PMM1: variants seen among roughly 807,000 people sequenced by gnomAD.
PMM1 encodes brain glucose-1,6-bisphosphatase.
Under a neutral mutation model 34.0 loss-of-function variants are expected in PMM1, and 25 were observed. The ratio of observed to expected loss-of-function variants is 0.73; its 90% confidence interval spans 0.54 to 1.03. PMM1 has a LOEUF of 1.03. PMM1 is among the 50% of genes least tolerant of loss of function. PMM1 has a pLI of 0.00. For synonymous variants in PMM1, 134 were observed against 143.9 expected (o/e 0.93, Z 0.49); for missense variants, 321 against 350.1 (o/e 0.92, Z 0.66).
chr22:41,584,071 G>C lies in PMM1; in HGVS notation c.375-13C>G. ...GATGAAGGTTCCACTGGTGGTGAGG[G>C]AGGGCGGGGAGCCAGAGAGAACCAG... On this transcript the variant is annotated splice_polypyrimidine_tract_variant and intron_variant, in intron 4 of 7. Transcript: ENST00000216259. The C allele has an allele frequency of 6.3e-7, 1 of 1,593,834 alleles. No individual in the cohort carries two copies. The highest frequency in any genetic ancestry group is 8.6e-7 in the Non-Finnish European group (1 of 1,161,746).
At chr22:41,588,186 G>A (rs1171794044) in intron 1 of PMM1, among the ~76,000 whole-genome samples, 1 of 152,128 alleles carries the variant, frequency 6.6e-6, no homozygotes, top group African/African-American at 2.4e-5. Flanking sequence ...CAGTAGCTGG[G>A]ACTACAGGCA....
chr22:41,589,021 G>A (rs2067346309), intron 1 of PMM1: 3 of 1,223,474 alleles, frequency 2.5e-6, no homozygotes, highest in Admixed American at 2.3e-5. Flanking sequence ...TCAACACAGC[G>A]AGAGTCTTTA....
chr22:41,589,271 A>G lies in PMM1; in HGVS notation c.87+448T>C, dbSNP rs1002658647. On this transcript the variant is annotated intron_variant, in intron 1 of 7. Coordinates refer to ENST00000216259, the MANE Select transcript of PMM1 (RefSeq NM_002676.3). Reference sequence around the variant, plus strand: ...TCCGAGACGCCCTGTCTCCCACCAGATGATGACTGACGCTTGGCTGTGTGC... The same window carrying G: ...TCCGAGACGCCCTGTCTCCCACCAGGTGATGACTGACGCTTGGCTGTGTGC... 9 of 485,666 alleles carry G rather than the reference A, an allele frequency of 1.9e-5. No individual in the cohort carries two copies. In the East Asian group the frequency reaches 2.0e-4, roughly 11 times the overall value. The allele number at this position is 485,666 out of a possible 1,614,324, so 30.1% of individuals were successfully genotyped here.
chr22:41,589,224 G>A (rs2067350452), intron 1 of PMM1: 2 of 785,626 alleles, frequency 2.5e-6, no homozygotes, highest in Non-Finnish European at 3.9e-6. Context: ...TCCCAGGCCT[G>A]CAAAGGTCGG....
At chr22:41,582,201 C>T (rs893390357) in intron 5 of PMM1, among the ~76,000 whole-genome samples, 2 of 151,680 alleles carry the variant, frequency 1.3e-5, no homozygotes, top group Non-Finnish European at 2.9e-5. Flanking sequence ...CTCACACCTA[C>T]AGTCTTGGTG....
chr22:41,581,906 AC>A (rs773259559), intron 5 of PMM1, among the ~76,000 whole-genome samples: 9 of 151,932 alleles, frequency 5.9e-5, no homozygotes, highest in African/African-American at 9.7e-5. Context: ...AATCGCTTGA[AC>A]CAGCGAGTCA....
intron 5 of PMM1, chr22:41,579,098 C>T (rs1233721855): frequency 3.7e-6 from 2 of 540,420 alleles, no homozygotes; most frequent in East Asian, 3.2e-5. Flanking sequence ...AGGGATGGGG[C>T]TGCCAATGGG....
chr22:41,589,085 G>C lies in PMM1; in HGVS notation c.87+634C>G. The C allele has an allele frequency of 3.1e-6, 4 of 1,303,822 alleles. No individual in the cohort carries two copies. The South Asian group carries it at 4.9e-5, about 16-fold the overall frequency. The allele number at this position is 1,303,822 out of a possible 1,614,324, so 80.8% of individuals were successfully genotyped here. A position where few individuals can be genotyped will look rare whatever the true frequency, so the allele number is the denominator to read the frequency against. The stretch of plus-strand genomic sequence containing the variant: ...TTCCTCAGTGTCCTCACAGCAAACA[G>C]GCTAGGCCTGGAGCCTCTCACATCC... On this transcript the variant is annotated intron_variant, in intron 1 of 7. Transcript: ENST00000216259.
chr22:41,583,184 G>A (rs914674231), intron 5 of PMM1, among the ~76,000 whole-genome samples: 1 of 152,132 alleles, frequency 6.6e-6, no homozygotes, highest in African/African-American at 2.4e-5. Context: ...TGACATGTTT[G>A]AAAGGTTCTA....
intron 2 of PMM1, 40 bp from the exon 3 acceptor site, chr22:41,584,643 G>A (rs1356949479): frequency 6.6e-7 from 1 of 1,504,172 alleles, no homozygotes; most frequent in Middle Eastern, 1.7e-4. Flanking sequence ...GAAAGAGTGT[G>A]AGACCACGTC....
intron 1 of PMM1, among the ~76,000 whole-genome samples, chr22:41,586,938 T>C (rs1172158343): frequency 7.5e-6 from 1 of 133,588 alleles, no homozygotes; most frequent in Non-Finnish European, 1.6e-5. Flanking sequence ...GCCAACATGG[T>C]GAAACTCTGT....
intron 1 of PMM1, among the ~76,000 whole-genome samples, chr22:41,587,630 A>G (rs561124700): frequency 7.2e-5 from 11 of 152,224 alleles, no homozygotes; most frequent in Admixed American, 7.2e-4. Context: ...TCTAACAACA[A>G]CAACAACAAA....
intron 1 of PMM1, 21 bp from the exon 2 acceptor site, chr22:41,586,214 C>G: frequency 6.2e-7 from 1 of 1,603,550 alleles, no homozygotes. Context: ...AGAGGGGAAG[C>G]ATAGCATTCT....
At position 41,577,175 on chromosome 22, in the gene PMM1, A is replaced by T; in HGVS notation, c.*143T>A. 8.9e-7 allele frequency: 1 copy of T among 1,120,884 alleles called. No homozygotes were observed. The highest frequency in any genetic ancestry group is 1.3e-6 in the Non-Finnish European group (1 of 756,340). The allele number at this position is 1,120,884 out of a possible 1,614,324, so 69.4% of individuals were successfully genotyped here. A position where few individuals can be genotyped will look rare whatever the true frequency, so the allele number is the denominator to read the frequency against. On this transcript the variant is annotated 3_prime_UTR_variant, in exon 8 of 8. Coordinates refer to ENST00000216259, the MANE Select transcript of PMM1 (RefSeq NM_002676.3). ...AGACTGGCTGGGGACGGTTGTCCAC[A>T]CAGACTCTGGCCCCATCTGGGTGGG...
intron 1 of PMM1, chr22:41,588,701 C>A (rs1203842915): frequency 6.1e-6 from 6 of 985,362 alleles, no homozygotes; most frequent in Non-Finnish European, 7.2e-6. Context: ...TCCACCCCTG[C>A]AGGAAGGCCT....
At position 41,577,868 on chromosome 22, in the gene PMM1, C is replaced by G. The variant is rs1219035827; in HGVS notation, c.606G>C (p.Leu202=). The G allele has an allele frequency of 1.9e-6, 3 of 1,613,426 alleles. No homozygotes were observed. The highest frequency in any genetic ancestry group is 1.7e-6 in the Non-Finnish European group (2 of 1,180,002). Reference sequence around the variant, plus strand: ...CGAAGCTGTCCTGGTCCAGGCTATCCAGGCAGTAGCGCTTGTCCCAGCCCT... The same window carrying G: ...CGAAGCTGTCCTGGTCCAGGCTATCGAGGCAGTAGCGCTTGTCCCAGCCCT... ...FPEGWDKRYC[L]DSLDQDSFDT... The change falls in exon 7 of 8, where the codon CTG becomes CTC. Residue 202 remains leucine (L), a synonymous_variant. Transcript: ENST00000216259.
chr22:41,587,370 G>A (rs2067322296), intron 1 of PMM1, among the ~76,000 whole-genome samples: 1 of 151,776 alleles, frequency 6.6e-6, no homozygotes, highest in South Asian at 2.1e-4. Context: ...AACCCGGGAG[G>A]TGGAGGTTGC....
In PMM1 at chr22:41,589,732, G is replaced by A. The variant is rs1569059595; in HGVS notation, c.74C>T (p.Thr25Met). 6.2e-7 allele frequency: 1 copy of A among 1,611,686 alleles called. No homozygotes were observed. The highest frequency in any genetic ancestry group is 2.2e-5 in the East Asian group (1 of 44,848). Residue 25 changes from threonine to methionine, a missense_variant, in exon 1 of 8, where the codon ACG (threonine) becomes ATG (methionine). Transcript: ENST00000216259. ...LCLFDVDGTL[T>M]PARQKIDPEV... ...TCAGGGTCCTACCTGGCGAGCCGGC[G>A]TGAGGGTCCCGTCCACGTCAAACAG...
chr22:41,581,977 C>G (rs1332191700), intron 5 of PMM1, among the ~76,000 whole-genome samples: 1 of 151,202 alleles, frequency 6.6e-6, no homozygotes, highest in Non-Finnish European at 1.5e-5. Flanking sequence ...GAGCAAGACT[C>G]TGTCTAAAAA....
Sources: gnomAD v4.1 joint callset for allele counts (sites outside exome capture counted in the v4.1 genomes callset) on GRCh38, gnomAD v4.1.1 for gene constraint, MANE v1.5 for transcripts, NCBI Gene and HGNC (gene_info 2026-07-23, HGNC 2026-07-21) for gene names.